The following NRXN1 variants were observed in gnomAD, a reference collection of about 807,000 sequenced individuals.
NRXN1 encodes neurexin-1.
NRXN1 carries 39 observed loss-of-function variants against 150.9 expected under a neutral mutation model. The observed-to-expected ratio is 0.26, with a 90% confidence interval of 0.20 to 0.34. The LOEUF (loss-of-function observed/expected upper bound fraction) is 0.34, where lower values mean the gene tolerates loss of function less well. Among genes scored for constraint, NRXN1 ranks in the 10% least tolerant of loss-of-function variants. The probability of loss-of-function intolerance (pLI) is 1.00; values close to 1 mark genes in which losing one functional copy is unlikely to be tolerated. For synonymous variants in NRXN1, 924 were observed against 757.0 expected (o/e 1.22, Z -3.62); for missense variants, 1,815 against 1,949.9 (o/e 0.93, Z 1.30).
At chr2:50,741,695 T>C (rs1699451050) in intron 5 of NRXN1, among the ~76,000 whole-genome samples, 1 of 152,150 alleles carries the variant, frequency 6.6e-6, no homozygotes, top group South Asian at 2.1e-4. Context: ...GATACTTCTT[T>C]TCCTTTCCAC....
chr2:50,554,899 AAAG>A (rs1668011706), intron 8 of NRXN1, among the ~76,000 whole-genome samples: 1 of 152,216 alleles, frequency 6.6e-6, no homozygotes, highest in Non-Finnish European at 1.5e-5. Context: ...ATTGACAACA[AAAG>A]AAGAGAAAAT....
At chr2:50,284,366 C>G (rs1041186237) in intron 17 of NRXN1, among the ~76,000 whole-genome samples, 3 of 152,258 alleles carry the variant, frequency 2.0e-5, no homozygotes, top group East Asian at 1.9e-4. Flanking sequence ...ATGATGTTCC[C>G]CTATGGAGGC....
intron 13 of NRXN1, 45 bp downstream of exon 13, chr2:50,506,450 C>A: frequency 6.4e-7 from 1 of 1,561,008 alleles, no homozygotes; most frequent in South Asian, 1.2e-5. Context: ...AAATGAGAGT[C>A]AAAAGCGTTA....
intron 5 of NRXN1, among the ~76,000 whole-genome samples, chr2:50,884,133 T>A (rs1007598052): frequency 6.6e-6 from 1 of 151,784 alleles, no homozygotes; most frequent in Non-Finnish European, 1.5e-5. Context: ...TTTGAACTAG[T>A]TTCTGCAGCA....
intron 21 of NRXN1, among the ~76,000 whole-genome samples, chr2:49,987,444 T>C (rs1024442655): frequency 6.6e-6 from 1 of 152,168 alleles, no homozygotes; most frequent in Admixed American, 6.5e-5. Context: ...TGTGTCTAAT[T>C]TACATATATG....
At chr2:50,732,237 G>GA (rs1324615723) in intron 5 of NRXN1, among the ~76,000 whole-genome samples, 1 of 151,826 alleles carries the variant, frequency 6.6e-6, no homozygotes, top group Non-Finnish European at 1.5e-5. Context: ...CTAGAATAAA[G>GA]AAAAAAACTA....
intron 5 of NRXN1, among the ~76,000 whole-genome samples, chr2:50,776,248 C>T (rs532095192): frequency 2.6e-4 from 40 of 152,164 alleles, no homozygotes; most frequent in Non-Finnish European, 4.9e-4. Context: ...GAATGATTTA[C>T]TTCACAAAAT....
intron 5 of NRXN1, among the ~76,000 whole-genome samples, chr2:50,814,495 G>T (rs1229292786): frequency 6.6e-6 from 1 of 152,012 alleles, no homozygotes; most frequent in Non-Finnish European, 1.5e-5. Context: ...GAAAGAAGTT[G>T]GGTAGTACCT....
At chr2:50,559,537 GTTTAATTTATCTTAAACA>G (rs1368027915) in intron 8 of NRXN1, among the ~76,000 whole-genome samples, 2 of 152,068 alleles carry the variant, frequency 1.3e-5, no homozygotes, top group Non-Finnish European at 2.9e-5. Context: ...TAATACGCTA[GTTTAATTTATCTTAAACA>G]TTTGCTAGTG....
intron 8 of NRXN1, among the ~76,000 whole-genome samples, chr2:50,567,215 C>T (rs1185610615): frequency 6.6e-6 from 1 of 152,072 alleles, no homozygotes; most frequent in African/African-American, 2.4e-5. Flanking sequence ...TTCTAAGTTG[C>T]CTTGTAACTG....
chr2:50,247,233 G>A (rs969423299), intron 17 of NRXN1, among the ~76,000 whole-genome samples: 16 of 152,084 alleles, frequency 1.1e-4, no homozygotes, highest in Non-Finnish European at 1.9e-4. Context: ...TAAGAAATAA[G>A]TATTATGAAG....
In NRXN1 at chr2:50,531,434, G is replaced by GAGAT; in HGVS notation, c.2144-8_2144-5dup. The GAGAT allele has an allele frequency of 2.5e-6, 4 of 1,606,496 alleles. No homozygotes were observed. The South Asian group carries it at 4.5e-5, about 18-fold the overall frequency. ...TCATAGCTCAAAACCGTTGCCTCTAGAGATGGAAAATGAATATGATAAGTT... is the reference window on the plus strand; with the variant it reads ...TCATAGCTCAAAACCGTTGCCTCTAGAGATAGATGGAAAATGAATATGATAAGTT... On this transcript the variant is annotated splice_polypyrimidine_tract_variant and splice_region_variant and intron_variant, in intron 10 of 22. Coordinates refer to ENST00000401669, the MANE Select transcript of NRXN1 (RefSeq NM_001330078.2).
chr2:50,006,674 T>A (rs1291361071), intron 21 of NRXN1, among the ~76,000 whole-genome samples: 1 of 152,196 alleles, frequency 6.6e-6, no homozygotes, highest in Non-Finnish European at 1.5e-5. Context: ...TCCACAATGA[T>A]GTATGTCAAG....
intron 17 of NRXN1, among the ~76,000 whole-genome samples, chr2:50,404,264 G>C (rs2082598574): frequency 1.3e-5 from 2 of 152,006 alleles, no homozygotes; most frequent in South Asian, 4.1e-4. Flanking sequence ...CTTCACCCAG[G>C]ATAGTTTCTT....
chr2:50,753,288 C>T (rs1351459028), intron 5 of NRXN1, among the ~76,000 whole-genome samples: 1 of 151,768 alleles, frequency 6.6e-6, no homozygotes, highest in Admixed American at 6.6e-5. Flanking sequence ...TGGTACAGTT[C>T]TCATAATTTT....
At chr2:49,979,907 T>G (rs993310886) in intron 21 of NRXN1, among the ~76,000 whole-genome samples, 12 of 49,658 alleles carry the variant, frequency 2.4e-4, no homozygotes, top group Non-Finnish European at 3.3e-4. Context: ...GTTTTTTTGG[T>G]TTTTTTTTTC....
At chr2:50,672,531 T>C (rs866676979) in intron 5 of NRXN1, among the ~76,000 whole-genome samples, 1 of 151,980 alleles carries the variant, frequency 6.6e-6, no homozygotes, top group Middle Eastern at 3.2e-3. Flanking sequence ...ATAGAGGTCT[T>C]AGAACAACAA....
chr2:50,105,988 T>G (rs74745085), intron 18 of NRXN1, among the ~76,000 whole-genome samples: 3,342 of 151,952 alleles, frequency 0.022, 141 homozygotes, highest in African/African-American at 0.076. Flanking sequence ...TCTATTATAA[T>G]TTTTCAACTT....
chr2:50,476,691 T>C (rs2090016808), intron 15 of NRXN1, among the ~76,000 whole-genome samples: 2 of 152,138 alleles, frequency 1.3e-5, no homozygotes, highest in African/African-American at 4.8e-5. Flanking sequence ...AACATGTCAA[T>C]TTTATAAATT....
Sources: gnomAD v4.1 joint callset for allele counts (sites outside exome capture counted in the v4.1 genomes callset) on GRCh38, gnomAD v4.1.1 for gene constraint, MANE v1.5 for transcripts, NCBI Gene and HGNC (gene_info 2026-07-23, HGNC 2026-07-21) for gene names.